GLIS3: variants seen among roughly 807,000 people sequenced by gnomAD.
GLIS3 encodes GLIS family zinc finger 3, also known as zinc finger protein GLIS3.
GLIS3 carries 53 observed loss-of-function variants against 78.6 expected under a neutral mutation model. That is an observed-to-expected ratio of 0.67 (90% CI 0.54 to 0.85). The LOEUF is 0.85. Ranked by LOEUF, GLIS3 falls within the 40% of genes least tolerant of loss-of-function variation. The pLI is 0.00. For synonymous variants in GLIS3, 684 were observed against 509.9 expected, an observed-to-expected ratio of 1.34 and a Z score of -4.60; for missense variants, 1,703 against 1,231.1, an observed-to-expected ratio of 1.38 and a Z score of -5.74.
chr9:4,195,596 C>A (rs372441941), intron 2 of GLIS3, among the ~76,000 whole-genome samples: 2 of 152,260 alleles, frequency 1.3e-5, no homozygotes, highest in African/African-American at 4.8e-5. Flanking sequence ...GGCTCCCACG[C>A]GGCCTGAGCC....
intron 4 of GLIS3, among the ~76,000 whole-genome samples, chr9:3,962,556 G>T (rs1817636269): frequency 6.6e-6 from 1 of 152,080 alleles, no homozygotes; most frequent in African/African-American, 2.4e-5. Context: ...CCAAGTCGTT[G>T]GTTGTTTACT....
chr9:3,918,065 C>A (rs775852164), intron 6 of GLIS3, among the ~76,000 whole-genome samples: 1 of 152,196 alleles, frequency 6.6e-6, no homozygotes, highest in Non-Finnish European at 1.5e-5. Context: ...TGTAGACTCT[C>A]AAACAAATGT....
At chr9:4,369,823 G>A in the GLIS3 span, among the ~76,000 whole-genome samples, 2 of 152,036 alleles carry the variant, frequency 1.3e-5, no homozygotes, top group African/African-American at 4.8e-5. Flanking sequence ...TATGTTCATG[G>A]CCAAAAAAAA....
At chr9:4,488,869 T>C in the GLIS3 span, among the ~76,000 whole-genome samples, 1 of 151,998 alleles carries the variant, frequency 6.6e-6, no homozygotes, top group Non-Finnish European at 1.5e-5. Flanking sequence ...TCCTTCTTTC[T>C]TTCTTTTTTC....
chr9:4,443,319 T>G, the GLIS3 span, among the ~76,000 whole-genome samples: 3 of 152,246 alleles, frequency 2.0e-5, no homozygotes, highest in Non-Finnish European at 4.4e-5. Flanking sequence ...TTTCTGTCCA[T>G]GTCTGCATTA....
chr9:3,898,781 G>T lies in GLIS3; in HGVS notation c.2038C>A (p.Gln680Lys), dbSNP rs1398561824. The change falls in exon 7 of 11, where the codon CAG (glutamine) becomes AAG (lysine). Residue 680 changes from glutamine (Q) to lysine (K), a missense_variant. Transcript: ENST00000381971. ...PDLLTDCLTVQSLQPATSPRD... is the reference protein window; with the variant it reads ...PDLLTDCLTVKSLQPATSPRD... ...GGGGAAGTGGCCGGCTGCAGGGACT[G>T]CACGGTGAGGCAATCTGTGAGCAGG... The T allele has an allele frequency of 6.2e-7, 1 of 1,614,102 alleles. No individual in the cohort carries two copies. Among genetic ancestry groups the T allele is most frequent in the Non-Finnish European group, 8.5e-7 (1 of 1,180,046 alleles).
chr9:4,332,358 C>CAG (rs1377365295), intron 2 of GLIS3, among the ~76,000 whole-genome samples: 7 of 152,226 alleles, frequency 4.6e-5, no homozygotes, highest in Non-Finnish European at 8.8e-5. Context: ...CTCTCAGTGA[C>CAG]AGAAGCACCC....
intron 4 of GLIS3, among the ~76,000 whole-genome samples, chr9:4,050,713 C>G (rs780610722): frequency 6.6e-6 from 1 of 152,054 alleles, no homozygotes; most frequent in Admixed American, 6.6e-5. Context: ...GTTTTTATAC[C>G]TTTCCTGTGG....
At chr9:4,437,754 C>T in the GLIS3 span, among the ~76,000 whole-genome samples, 1 of 152,184 alleles carries the variant, frequency 6.6e-6, no homozygotes, top group Non-Finnish European at 1.5e-5. Flanking sequence ...CCTCTTCCTC[C>T]TCTTCCTCAG....
At chr9:3,866,504 T>A (rs1017001559) in intron 8 of GLIS3, among the ~76,000 whole-genome samples, 5 of 151,922 alleles carry the variant, frequency 3.3e-5, no homozygotes, top group Non-Finnish European at 7.4e-5. Flanking sequence ...TTTTAGATAG[T>A]CAAGAAGGGC....
chr9:4,343,373 C>A (rs1243169147), intron 2 of GLIS3, among the ~76,000 whole-genome samples: 1 of 152,122 alleles, frequency 6.6e-6, no homozygotes, highest in African/African-American at 2.4e-5. Flanking sequence ...GAGATACTAT[C>A]TCACACCAGT....
chr9:3,866,105 A>T (rs551209246), intron 8 of GLIS3, among the ~76,000 whole-genome samples: 3 of 152,294 alleles, frequency 2.0e-5, no homozygotes, highest in African/African-American at 7.2e-5. Context: ...AATGAATGAG[A>T]GTAGTATTCT....
the GLIS3 span, among the ~76,000 whole-genome samples, chr9:4,480,585 A>G: frequency 2.0e-5 from 3 of 152,126 alleles, no homozygotes; most frequent in African/African-American, 4.8e-5. Flanking sequence ...AATGCTATAT[A>G]TCATACAGAA....
chr9:4,126,659 T>C (rs774898231), intron 2 of GLIS3, among the ~76,000 whole-genome samples: 13 of 152,214 alleles, frequency 8.5e-5, no homozygotes, highest in Non-Finnish European at 7.3e-5. Context: ...TCTGTGTCGT[T>C]ATGGAAAAGT....
At position 3,882,103 on chromosome 9, in the gene GLIS3, A is replaced by G. The variant is rs978558136; in HGVS notation, c.2129-2508T>C. On this transcript the variant is annotated intron_variant, in intron 7 of 10. Coordinates refer to ENST00000381971, the MANE Select transcript of GLIS3 (RefSeq NM_001042413.2). ...TTCCACAAATATGTATAGGGTACCTATCATTTGGCAGACATGAAGCTAGGT... is the reference window on the plus strand; with the variant it reads ...TTCCACAAATATGTATAGGGTACCTGTCATTTGGCAGACATGAAGCTAGGT... Among the ~76,000 whole-genome samples the G allele has an allele frequency of 2.0e-5, 3 of 152,200 alleles. No individual in the cohort carries two copies. The East Asian group carries it at 5.8e-4, about 29-fold the overall frequency.
chr9:4,130,174 G>T, intron 2 of GLIS3, among the ~76,000 whole-genome samples: 1 of 152,198 alleles, frequency 6.6e-6, no homozygotes, highest in East Asian at 1.9e-4. Context: ...TGTGAGCAAA[G>T]AAATGAGCTG....
chr9:3,989,912 T>A (rs1452266059), intron 4 of GLIS3, among the ~76,000 whole-genome samples: 1 of 152,086 alleles, frequency 6.6e-6, no homozygotes, highest in Non-Finnish European at 1.5e-5. Context: ...CCTGAATAGG[T>A]CATGATTTGT....
the GLIS3 span, among the ~76,000 whole-genome samples, chr9:4,459,208 A>C: frequency 1.3e-5 from 2 of 152,338 alleles, no homozygotes; most frequent in Admixed American, 1.3e-4. Flanking sequence ...AAAGCTGATG[A>C]GAAGTGGCCA....
chr9:4,025,499 TG>T (rs1436160162), intron 4 of GLIS3, among the ~76,000 whole-genome samples: 1 of 152,052 alleles, frequency 6.6e-6, no homozygotes, highest in Admixed American at 6.6e-5. Flanking sequence ...GCGATTCTCC[TG>T]CCTCAGCCTC....
Sources: allele counts gnomAD v4.1 joint callset (sites outside exome capture counted in the v4.1 genomes callset), GRCh38; gene constraint gnomAD v4.1.1; transcripts MANE v1.5; gene names NCBI Gene and HGNC (gene_info 2026-07-23, HGNC 2026-07-21).